Variants in UBE3D observed in about 807,000 individuals in gnomAD.
The protein encoded by UBE3D is ubiquitin protein ligase E3D.
A neutral mutation model predicts 49.6 loss-of-function variants in UBE3D; 48 were observed. That is an observed-to-expected ratio of 0.97 (90% confidence interval 0.77 to 1.23). The LOEUF is 1.23. UBE3D is among the 50% of genes most tolerant of loss of function. UBE3D has a pLI of 0.00. For missense variants in UBE3D, 452 were observed against 468.4 expected (o/e 0.96, Z 0.32); for synonymous variants, 189 against 174.2 (o/e 1.08, Z -0.67).
At chr6:82,932,910 A>G (rs1774274359) in intron 9 of UBE3D, among the ~76,000 whole-genome samples, 1 of 152,222 alleles carries the variant, frequency 6.6e-6, no homozygotes, top group Admixed American at 6.5e-5. Context: ...CAACTTTTCA[A>G]TTAATAAAAC....
chr6:82,908,688 A>G (rs1022718617), intron 9 of UBE3D, among the ~76,000 whole-genome samples: 3 of 152,206 alleles, frequency 2.0e-5, no homozygotes, highest in Non-Finnish European at 4.4e-5. Flanking sequence ...TGCTTAATAC[A>G]TGTTTATTAA....
intron 9 of UBE3D, among the ~76,000 whole-genome samples, chr6:82,894,346 C>T (rs1032366080): frequency 1.3e-5 from 2 of 152,116 alleles, no homozygotes; most frequent in Non-Finnish European, 2.9e-5. Flanking sequence ...TCTTGCTGGA[C>T]AAAGGCCCAA....
At chr6:82,906,803 T>C (rs2324167) in intron 9 of UBE3D, among the ~76,000 whole-genome samples, 40,460 of 152,116 alleles carry the variant, frequency 0.27, 8,371 homozygotes, top group African/African-American at 0.59. Flanking sequence ...GAAACAAGGT[T>C]CTAAACTACT....
At chr6:82,961,429 C>T (rs898948305) in intron 8 of UBE3D, among the ~76,000 whole-genome samples, 1 of 152,148 alleles carries the variant, frequency 6.6e-6, no homozygotes. Flanking sequence ...GAATGGTAGG[C>T]ATCATTCATC....
chr6:83,029,685 T>TGTAGCAACTG (rs1259185335), intron 5 of UBE3D, among the ~76,000 whole-genome samples: 2 of 152,242 alleles, frequency 1.3e-5, no homozygotes, highest in African/African-American at 4.8e-5. Flanking sequence ...TGCAATATGT[T>TGTAGCAACTG]GTAGCAACTG....
At chr6:82,906,361 A>AT (rs140488818) in intron 9 of UBE3D, among the ~76,000 whole-genome samples, 6,685 of 152,238 alleles carry the variant, frequency 0.044, 458 homozygotes, top group African/African-American at 0.15. Context: ...TTATGAATTC[A>AT]TGGATTTGAA....
intron 8 of UBE3D, among the ~76,000 whole-genome samples, chr6:82,962,465 T>C (rs1247109574): frequency 6.6e-6 from 1 of 152,204 alleles, no homozygotes; most frequent in East Asian, 1.9e-4. Flanking sequence ...CTGTCCAATG[T>C]ATCAAACTAT....
intron 9 of UBE3D, among the ~76,000 whole-genome samples, chr6:82,949,599 C>T (rs1426990187): frequency 6.6e-6 from 1 of 152,054 alleles, no homozygotes; most frequent in Non-Finnish European, 1.5e-5. Flanking sequence ...AATCACATTA[C>T]CTCACTTCAA....
rs563386381 is a variant in UBE3D at position 83,048,298 on chromosome 6, G to A, written c.366-3639C>T. Among the ~76,000 whole-genome samples the A allele has an allele frequency of 2.8e-4, 43 of 152,086 alleles. 2 individuals carry two copies. The South Asian group carries it at 8.3e-3, about 29-fold the overall frequency. On this transcript the variant is annotated intron_variant, in intron 3 of 9. Coordinates refer to ENST00000369747, the MANE Select transcript of UBE3D (RefSeq NM_198920.3). Reference sequence around the variant, plus strand: ...CCTCAGGTGGGTAGGAAGCATTACAGAATTTTAAACAGAATAACAGGTCAG... The same window carrying A: ...CCTCAGGTGGGTAGGAAGCATTACAAAATTTTAAACAGAATAACAGGTCAG...
At chr6:82,992,512 C>T (rs1295517629) in intron 8 of UBE3D, among the ~76,000 whole-genome samples, 1 of 152,158 alleles carries the variant, frequency 6.6e-6, no homozygotes, top group African/African-American at 2.4e-5. Context: ...CGTGAGCCAC[C>T]ACGCCCAGCT....
downstream of UBE3D, among the ~76,000 whole-genome samples, chr6:82,890,368 C>T (rs1422882858): frequency 1.3e-5 from 2 of 152,124 alleles, no homozygotes; most frequent in South Asian, 2.1e-4. Context: ...CATGTTACCC[C>T]TCAGACCTAC....
At chr6:82,951,346 GC>G (rs1775782675) in intron 9 of UBE3D, among the ~76,000 whole-genome samples, 2 of 152,178 alleles carry the variant, frequency 1.3e-5, no homozygotes, top group Non-Finnish European at 2.9e-5. Context: ...TTAACCTGGG[GC>G]TATGTCCTTA....
intron 7 of UBE3D, among the ~76,000 whole-genome samples, chr6:83,021,003 A>G (rs1201946971): frequency 1.3e-5 from 2 of 152,240 alleles, no homozygotes; most frequent in Non-Finnish European, 2.9e-5. Flanking sequence ...TTGCTTCTGC[A>G]GGACACTGTT....
chr6:82,991,397 T>C (rs966088961), intron 8 of UBE3D, among the ~76,000 whole-genome samples: 4 of 152,192 alleles, frequency 2.6e-5, no homozygotes, highest in Non-Finnish European at 5.9e-5. Flanking sequence ...TCCCTCACTG[T>C]TCCTAGCACC....
chr6:82,987,067 C>G (rs1030433693), intron 8 of UBE3D, among the ~76,000 whole-genome samples: 1 of 151,986 alleles, frequency 6.6e-6, no homozygotes, highest in Non-Finnish European at 1.5e-5. Flanking sequence ...CCCTCAGCCT[C>G]CTGAGTAGCT....
At chr6:82,930,237 G>C (rs188615395) in intron 9 of UBE3D, among the ~76,000 whole-genome samples, 1 of 152,030 alleles carries the variant, frequency 6.6e-6, no homozygotes, top group Non-Finnish European at 1.5e-5. Flanking sequence ...CATTTCCTGA[G>C]GCCTCCCCAG....
At chr6:82,987,444 C>T (rs1778601201) in intron 8 of UBE3D, among the ~76,000 whole-genome samples, 1 of 152,194 alleles carries the variant, frequency 6.6e-6, no homozygotes, top group South Asian at 2.1e-4. Context: ...TCCTGTGCCT[C>T]TAATTGCTTT....
At chr6:82,935,987 G>T (rs1774541611) in intron 9 of UBE3D, among the ~76,000 whole-genome samples, 2 of 151,864 alleles carry the variant, frequency 1.3e-5, no homozygotes, top group Admixed American at 1.3e-4. Context: ...TTAAAATAAT[G>T]GATTTTTGTG....
At chr6:82,993,829 AT>A (rs2127735701) in intron 8 of UBE3D, among the ~76,000 whole-genome samples, 2 of 152,374 alleles carry the variant, frequency 1.3e-5, no homozygotes, top group South Asian at 4.1e-4. Context: ...TGTAGAATTT[AT>A]CAAAAGTGTA....
Sources: allele counts gnomAD v4.1 joint callset (sites outside exome capture counted in the v4.1 genomes callset), GRCh38; gene constraint gnomAD v4.1.1; transcripts MANE v1.5; gene names NCBI Gene and HGNC (gene_info 2026-07-23, HGNC 2026-07-21).